Variants in ENOX1 observed in about 807,000 individuals in gnomAD.
ENOX1 encodes candidate growth-related and time keeping constitutive hydroquinone (NADH) oxidase.
Under a neutral mutation model 82.5 loss-of-function variants are expected in ENOX1, and 42 were observed. That is an observed-to-expected ratio of 0.51 (90% confidence interval 0.40 to 0.66). ENOX1 has a LOEUF of 0.66. Among genes scored for constraint, ENOX1 ranks in the 30% least tolerant of loss-of-function variants. The pLI is 0.00. For missense variants in ENOX1, 608 were observed against 811.6 expected (o/e 0.75, Z 3.05); for synonymous variants, 271 against 282.2 (o/e 0.96, Z 0.40).
intron 2 of ENOX1, among the ~76,000 whole-genome samples, chr13:43,508,098 C>T (rs2077236504): frequency 6.6e-6 from 1 of 151,906 alleles, no homozygotes; most frequent in Non-Finnish European, 1.5e-5. Flanking sequence ...ATGGTCTGAA[C>T]TTGTCCAAAA....
At chr13:43,316,994 C>G (rs2047535606) in intron 11 of ENOX1, among the ~76,000 whole-genome samples, 1 of 152,228 alleles carries the variant, frequency 6.6e-6, no homozygotes, top group African/African-American at 2.4e-5. Context: ...CAGTGATGGA[C>G]ACACCCCACT....
At chr13:43,328,208 C>G (rs2048224817) in intron 9 of ENOX1, among the ~76,000 whole-genome samples, 1 of 152,198 alleles carries the variant, frequency 6.6e-6, no homozygotes, top group Admixed American at 6.5e-5. Context: ...TGCAGCACAG[C>G]TGGCAGAGGA....
chr13:43,530,044 T>TA (rs992375738), intron 2 of ENOX1, among the ~76,000 whole-genome samples: 1 of 152,108 alleles, frequency 6.6e-6, no homozygotes, highest in African/African-American at 2.4e-5. Flanking sequence ...CCTGTGTACA[T>TA]ATGCTGTTTC....
chr13:43,225,226 A>T (rs2041971235), intron 15 of ENOX1, among the ~76,000 whole-genome samples: 1 of 152,214 alleles, frequency 6.6e-6, no homozygotes, highest in South Asian at 2.1e-4. Flanking sequence ...ACTCATGGAC[A>T]TAAGAAGGAG....
At chr13:43,389,277 T>C (rs1030418909) in intron 5 of ENOX1, among the ~76,000 whole-genome samples, 1 of 152,198 alleles carries the variant, frequency 6.6e-6, no homozygotes, top group African/African-American at 2.4e-5. Context: ...TGCAGAGTTA[T>C]TGATACTATT....
intron 2 of ENOX1, among the ~76,000 whole-genome samples, chr13:43,650,294 A>G (rs2084097568): frequency 6.6e-6 from 1 of 152,184 alleles, no homozygotes; most frequent in Middle Eastern, 3.2e-3. Context: ...CTGTCTCTGT[A>G]GCATATTCTT....
intron 2 of ENOX1, among the ~76,000 whole-genome samples, chr13:43,558,682 T>G (rs1193638725): frequency 6.6e-6 from 1 of 152,222 alleles, no homozygotes; most frequent in African/African-American, 2.4e-5. Context: ...TTCTTCTTTT[T>G]TTCACTCTTC....
At chr13:43,262,411 A>ATAAT (rs1474013819) in intron 14 of ENOX1, among the ~76,000 whole-genome samples, 1 of 152,218 alleles carries the variant, frequency 6.6e-6, no homozygotes, top group East Asian at 1.9e-4. Flanking sequence ...CCAGATATAA[A>ATAAT]TAATTATAAT....
intron 5 of ENOX1, among the ~76,000 whole-genome samples, chr13:43,372,951 A>C (rs961498242): frequency 6.6e-6 from 1 of 152,084 alleles, no homozygotes; most frequent in African/African-American, 2.4e-5. Context: ...GCAAAAAAAA[A>C]AGGACTAAAA....
chr13:43,277,443 T>G (rs1215877596), intron 12 of ENOX1, among the ~76,000 whole-genome samples: 6 of 152,178 alleles, frequency 3.9e-5, no homozygotes, highest in Admixed American at 6.5e-5. Flanking sequence ...CCTGGGGTCA[T>G]GCCTATCATT....
intron 5 of ENOX1, among the ~76,000 whole-genome samples, chr13:43,368,850 A>G (rs1196545567): frequency 1.3e-5 from 2 of 152,202 alleles, no homozygotes; most frequent in East Asian, 3.9e-4. Flanking sequence ...GAGAAAGTGG[A>G]TGCCCAGAGA....
At chr13:43,574,710 T>C (rs766967932) in intron 2 of ENOX1, among the ~76,000 whole-genome samples, 24 of 152,224 alleles carry the variant, frequency 1.6e-4, no homozygotes, top group Non-Finnish European at 3.2e-4. Context: ...ATCTGTGCTA[T>C]TTTAATCTGC....
At chr13:43,627,841 T>C (rs563622987) in intron 2 of ENOX1, among the ~76,000 whole-genome samples, 2 of 152,166 alleles carry the variant, frequency 1.3e-5, no homozygotes, top group East Asian at 3.9e-4. Context: ...CCTGAGATGG[T>C]CTTTATTTCT....
At chr13:43,284,953 CAGAGAGA>C (rs1323231600) in intron 12 of ENOX1, among the ~76,000 whole-genome samples, 1 of 151,922 alleles carries the variant, frequency 6.6e-6, no homozygotes, top group African/African-American at 2.4e-5. Flanking sequence ...GTCAGAGACA[CAGAGAGA>C]AGAAACAGAA....
At chr13:43,375,543 TGCAGATACCTGG>T (rs2051570474) in intron 5 of ENOX1, among the ~76,000 whole-genome samples, 3 of 152,214 alleles carry the variant, frequency 2.0e-5, no homozygotes, top group African/African-American at 7.2e-5. Flanking sequence ...TCCGTGGTGA[TGCAGATACCTGG>T]GCACATAGCT....
intron 1 of ENOX1, among the ~76,000 whole-genome samples, chr13:43,698,046 A>AT (rs1305554799): frequency 6.6e-6 from 1 of 152,252 alleles, no homozygotes; most frequent in African/African-American, 2.4e-5. Context: ...TGGTGGATAC[A>AT]TTCAAACACT....
intron 3 of ENOX1, among the ~76,000 whole-genome samples, chr13:43,426,838 GAT>G (rs2055336458): frequency 1.3e-5 from 2 of 152,102 alleles, no homozygotes; most frequent in Admixed American, 1.3e-4. Flanking sequence ...TTGCTAATAA[GAT>G]AAAAATAAGG....
At chr13:43,379,413 G>A (rs2051874515) in intron 5 of ENOX1, among the ~76,000 whole-genome samples, 1 of 152,012 alleles carries the variant, frequency 6.6e-6, no homozygotes, top group Admixed American at 6.6e-5. Context: ...ATTCATAACT[G>A]TGTTCCATGT....
At chr13:43,512,061 T>C (rs79161878) in intron 2 of ENOX1, among the ~76,000 whole-genome samples, 1 of 152,142 alleles carries the variant, frequency 6.6e-6, no homozygotes, top group Non-Finnish European at 1.5e-5. Flanking sequence ...GAATACTGTA[T>C]GTAGATGCAT....
Sources: gnomAD v4.1 joint callset for allele counts (sites outside exome capture counted in the v4.1 genomes callset) on GRCh38, gnomAD v4.1.1 for gene constraint, MANE v1.5 for transcripts, NCBI Gene and HGNC (gene_info 2026-07-23, HGNC 2026-07-21) for gene names.